Variants in TPRG1 observed in about 807,000 individuals in gnomAD.
TPRG1 encodes the protein tumor protein p63-regulated gene 1 protein.
Under a neutral mutation model 29.3 loss-of-function variants are expected in TPRG1, and 29 were observed. That is an observed-to-expected ratio of 0.99 (90% CI 0.74 to 1.35). The LOEUF (loss-of-function observed/expected upper bound fraction) is 1.35. Among genes scored for constraint, TPRG1 ranks in the 40% most tolerant of loss-of-function variants. TPRG1 has a pLI of 0.00. For missense variants in TPRG1, 327 were observed against 335.0 expected (o/e 0.98, Z 0.19); for synonymous variants, 130 against 116.8 (o/e 1.11, Z -0.73).
At position 189,274,497 on chromosome 3, in the gene TPRG1, C is replaced by T. The variant is rs549992022; in HGVS notation, c.479+35588C>T. On this transcript the variant is annotated intron_variant, in intron 4 of 5. Transcript: ENST00000345063. ...AAATAAGAACTTAGACTAAAAGGGA[C>T]GGTGACTTCCCTGATTTTTGGGATT... Among the ~76,000 whole-genome samples, 205 of 152,148 alleles carry T rather than the reference C, an allele frequency of 1.3e-3. 1 individual carries two copies. Among genetic ancestry groups the T allele is most frequent in the Non-Finnish European group, 2.2e-3 (149 of 67,994 alleles).
At chr3:189,130,496 G>A (rs1166110686) in intron 2 of TPRG1, among the ~76,000 whole-genome samples, 1 of 152,148 alleles carries the variant, frequency 6.6e-6, no homozygotes, top group Non-Finnish European at 1.5e-5. Context: ...GAGGAAAATG[G>A]CCTGGCATGG....
At chr3:189,264,456 C>A (rs1713688886) in intron 4 of TPRG1, among the ~76,000 whole-genome samples, 1 of 152,124 alleles carries the variant, frequency 6.6e-6, no homozygotes, top group Non-Finnish European at 1.5e-5. Context: ...TATTCTTTTT[C>A]TTTCTCCTTT....
At chr3:189,208,584 G>A (rs565731593) in intron 2 of TPRG1, among the ~76,000 whole-genome samples, 4 of 152,240 alleles carry the variant, frequency 2.6e-5, no homozygotes, top group East Asian at 3.9e-4. Flanking sequence ...GTGTGTGTGT[G>A]CCTGTGTGAG....
intron 4 of TPRG1, among the ~76,000 whole-genome samples, chr3:189,261,229 G>T (rs1420388600): frequency 6.6e-6 from 1 of 152,006 alleles, no homozygotes; most frequent in Non-Finnish European, 1.5e-5. Flanking sequence ...TTACTTTTTT[G>T]TTGACCTGAC....
At chr3:189,091,937 C>T in intron 4 of TPRG1, among the ~76,000 whole-genome samples, 1 of 152,010 alleles carries the variant, frequency 6.6e-6, no homozygotes, top group Non-Finnish European at 1.5e-5. Context: ...TGAATCTTTG[C>T]AATATTCTGT....
rs527679267 is a variant in TPRG1 at position 189,243,701 on chromosome 3, C to T, written c.479+4792C>T. On this transcript the variant is annotated intron_variant, in intron 4 of 5. Coordinates refer to ENST00000345063, the MANE Select transcript of TPRG1 (RefSeq NM_198485.4). ...AGGTCACATCTTGAATGTGTTGATGCTTAGAAATTTCTTCCACTAGATAAT... is the reference window on the plus strand; with the variant it reads ...AGGTCACATCTTGAATGTGTTGATGTTTAGAAATTTCTTCCACTAGATAAT... Among the ~76,000 whole-genome samples the T allele has an allele frequency of 6.0e-4, 91 of 152,248 alleles. 1 individual carries two copies. Among genetic ancestry groups the T allele is most frequent in the South Asian group, 2.3e-3 (11 of 4,828 alleles).
At chr3:189,119,108 T>A (rs1721525097) in intron 1 of TPRG1, among the ~76,000 whole-genome samples, 1 of 152,224 alleles carries the variant, frequency 6.6e-6, no homozygotes, top group Non-Finnish European at 1.5e-5. Flanking sequence ...CCCAAGGCCA[T>A]GTTGTGGGAG....
rs531814542 is a variant in TPRG1 at position 189,241,708 on chromosome 3, G to T, written c.479+2799G>T. 3.3e-5 allele frequency among the ~76,000 whole-genome samples: 5 copies of T among 152,208 alleles called. No homozygotes were observed. In the South Asian group the frequency reaches 1.0e-3, roughly 32 times the overall value. The stretch of plus-strand genomic sequence containing the variant: ...CCATGGAGAGGTAATTGAATCATGG[G>T]GGCTGGTCTTTCCAGTGCTATTCTT... On this transcript the variant is annotated intron_variant, in intron 4 of 5. Transcript: ENST00000345063.
In TPRG1 at chr3:189,310,434, G is replaced by A; in HGVS notation, c.528G>A (p.Gln176=). Residue 176 remains glutamine, a synonymous_variant, in exon 5 of 6, where the codon CAG becomes CAA. Coordinates refer to ENST00000345063, the MANE Select transcript of TPRG1 (RefSeq NM_198485.4). Reference sequence around the variant, plus strand: ...TCTACTGGGGGAGTCCGGAGGAGCAGTCTCTTCTGTCCCGCTGGAACCCAT... The same window carrying A: ...TCTACTGGGGGAGTCCGGAGGAGCAATCTCTTCTGTCCCGCTGGAACCCAT... ...LRIYWGSPEE[Q]SLLSRWNPWS... The A allele has an allele frequency of 6.2e-7, 1 of 1,611,588 alleles. No individual in the cohort carries two copies. Among genetic ancestry groups the A allele is most frequent in the Non-Finnish European group, 8.5e-7 (1 of 1,178,618 alleles).
chr3:189,274,930 T>C (rs929219717), intron 4 of TPRG1, among the ~76,000 whole-genome samples: 1 of 140,182 alleles, frequency 7.1e-6, no homozygotes, highest in Non-Finnish European at 1.5e-5. Flanking sequence ...CTTGATAATG[T>C]AATGAGTGTG....
At chr3:189,292,934 TG>T (rs1291865342) in intron 4 of TPRG1, among the ~76,000 whole-genome samples, 1 of 152,112 alleles carries the variant, frequency 6.6e-6, no homozygotes, top group Non-Finnish European at 1.5e-5. Context: ...CAGGGTGTAT[TG>T]GGCTGCTTTC....
At chr3:189,026,150 G>A (rs1042962279) in intron 4 of TPRG1, among the ~76,000 whole-genome samples, 4 of 152,196 alleles carry the variant, frequency 2.6e-5, no homozygotes, top group African/African-American at 9.7e-5. Context: ...TTTGGAGACT[G>A]AAATTATGAT....
chr3:189,242,542 G>A (rs995402877), intron 4 of TPRG1, among the ~76,000 whole-genome samples: 2 of 151,996 alleles, frequency 1.3e-5, no homozygotes, highest in African/African-American at 4.8e-5. Context: ...GATAATTTTT[G>A]TGCCTGTGTT....
intron 5 of TPRG1, among the ~76,000 whole-genome samples, chr3:189,157,674 G>T (rs932846425): frequency 6.6e-6 from 1 of 152,108 alleles, no homozygotes; most frequent in Non-Finnish European, 1.5e-5. Context: ...TGACCCTCCC[G>T]AAGGAAGTTT....
chr3:189,231,265 C>CAT lies in TPRG1; in HGVS notation c.303-7449_303-7448dup, dbSNP rs149177739. 4.8e-3 allele frequency among the ~76,000 whole-genome samples: 690 copies of CAT among 144,222 alleles called. 3 individuals carry two copies. The highest frequency in any genetic ancestry group is 0.023 in the South Asian group (104 of 4,596). The allele number at this position is 144,222 out of a possible 152,430, so 94.6% of individuals were successfully genotyped here. On this transcript the variant is annotated intron_variant, in intron 3 of 5. Coordinates refer to ENST00000345063, the MANE Select transcript of TPRG1 (RefSeq NM_198485.4). ...CTCTCTCATACAAACACCTATAAAA[C>CAT]ATATATATATATATATATATGCACA... is the stretch of plus-strand genomic sequence containing the variant.
intron 1 of TPRG1, among the ~76,000 whole-genome samples, chr3:189,180,934 T>C (rs970523323): frequency 1.3e-5 from 2 of 152,112 alleles, no homozygotes; most frequent in Admixed American, 6.6e-5. Context: ...CCATACATCT[T>C]CTAAAATCTA....
intron 4 of TPRG1, among the ~76,000 whole-genome samples, chr3:189,041,587 C>T (rs1714638766): frequency 6.6e-6 from 1 of 152,200 alleles, no homozygotes; most frequent in African/African-American, 2.4e-5. Context: ...CTCATGGCTT[C>T]CCTTCTCACC....
At chr3:189,016,844 T>C (rs545421555) in intron 3 of TPRG1, among the ~76,000 whole-genome samples, 2 of 152,272 alleles carry the variant, frequency 1.3e-5, no homozygotes, top group South Asian at 2.1e-4. Flanking sequence ...TCATGCTTTC[T>C]ATTAAGCCTA....
At chr3:189,001,087 CAT>C (rs1381800445) in intron 2 of TPRG1, among the ~76,000 whole-genome samples, 1 of 152,088 alleles carries the variant, frequency 6.6e-6, no homozygotes, top group Non-Finnish European at 1.5e-5. Context: ...TTCAAAATGA[CAT>C]TGGAGTTTTA....
Sources: allele counts gnomAD v4.1 joint callset (sites outside exome capture counted in the v4.1 genomes callset), GRCh38; gene constraint gnomAD v4.1.1; transcripts MANE v1.5; gene names NCBI Gene and HGNC (gene_info 2026-07-23, HGNC 2026-07-21).